The following ZBTB7C variants were observed in gnomAD, a reference collection of about 807,000 sequenced individuals.
The protein encoded by ZBTB7C is zinc finger and BTB domain containing 7C.
A neutral mutation model predicts 25.7 loss-of-function variants in ZBTB7C; 8 were observed. That is an observed-to-expected ratio of 0.31 (90% CI 0.18 to 0.56). The LOEUF is 0.56. ZBTB7C is among the 20% of genes least tolerant of loss of function. The probability of loss-of-function intolerance (pLI) is 0.91; values close to 1 mark genes in which losing one functional copy is unlikely to be tolerated. For missense variants in ZBTB7C, 824 were observed against 855.2 expected (o/e 0.96, Z 0.46); for synonymous variants, 394 against 369.0 (o/e 1.07, Z -0.78).
intron 1 of ZBTB7C, among the ~76,000 whole-genome samples, chr18:48,398,755 A>G (rs1474971509): frequency 6.6e-6 from 1 of 150,968 alleles, no homozygotes; most frequent in African/African-American, 2.4e-5. Context: ...CTGGCCTAGC[A>G]TCCAGCACAT....
At chr18:48,275,285 A>C (rs1283992343) in intron 2 of ZBTB7C, among the ~76,000 whole-genome samples, 2 of 152,222 alleles carry the variant, frequency 1.3e-5, no homozygotes, top group Non-Finnish European at 2.9e-5. Context: ...AAGGCAGCAG[A>C]CTATCATCGA....
chr18:48,270,752 G>A (rs1249850581), intron 2 of ZBTB7C, among the ~76,000 whole-genome samples: 5 of 151,286 alleles, frequency 3.3e-5, no homozygotes, highest in Non-Finnish European at 7.4e-5. Flanking sequence ...ATGTCGGCCA[G>A]GATGGTCTCA....
Position 48,367,277 on chromosome 18 carries a change from TATGTAA to T in ZBTB7C, c.-303-28885_-303-28880del, listed in dbSNP as rs781000702. Among the ~76,000 whole-genome samples the T allele has an allele frequency of 3.9e-3, 534 of 135,700 alleles. 5 individuals are homozygous for T. Among genetic ancestry groups the T allele is most frequent in the South Asian group, 0.019 (83 of 4,364 alleles). 89.0% of individuals were successfully genotyped at this position (135,700 alleles called of 152,430 possible). The stretch of plus-strand genomic sequence containing the variant: ...CATATATAGTATATATGTATATGTA[TATGTAA>T]ATATGTATCTATACATATATGTATA... On this transcript the variant is annotated intron_variant, in intron 1 of 4. Coordinates refer to ENST00000590800, the MANE Select transcript of ZBTB7C (RefSeq NM_001318841.2).
intron 3 of ZBTB7C, among the ~76,000 whole-genome samples, chr18:48,157,179 G>C (rs539188239): frequency 6.6e-6 from 1 of 152,196 alleles, no homozygotes; most frequent in Admixed American, 6.5e-5. Context: ...ACTCTCTGAG[G>C]AGAGCTTTTC....
At position 48,029,630 on chromosome 18, in the gene ZBTB7C, C is replaced by T. The variant is rs1056891199; in HGVS notation, c.1490G>A (p.Gly497Asp). 4.0e-6 allele frequency: 6 copies of T among 1,503,930 alleles called. No individual in the cohort carries two copies. In the African/African-American group the frequency reaches 7.0e-5, roughly 18 times the overall value. 93.2% of individuals were successfully genotyped at this position (1,503,930 alleles called of 1,614,324 possible). A position where few individuals can be genotyped will look rare whatever the true frequency, so the allele number is the denominator to read the frequency against. ...RAASLLFGPG[G>D]PAPDKAAFVM... ...GAAGGCCGCCTTGTCGGGGGCCGGGCCGCCGGGCCCGAAGAGCAGGCTGGC... is the reference window on the plus strand; with the variant it reads ...GAAGGCCGCCTTGTCGGGGGCCGGGTCGCCGGGCCCGAAGAGCAGGCTGGC... Residue 497 changes from glycine (G) to aspartate (D), a missense_variant, in exon 5 of 5, where the codon GGC (glycine) becomes GAC (aspartate). Transcript: ENST00000590800.
chr18:48,046,377 A>G (rs933549393), intron 3 of ZBTB7C, among the ~76,000 whole-genome samples: 13 of 152,120 alleles, frequency 8.5e-5, no homozygotes, highest in African/African-American at 2.9e-4. Flanking sequence ...GCCACCCTGT[A>G]GGTAGCAGGG....
intron 3 of ZBTB7C, among the ~76,000 whole-genome samples, chr18:48,048,232 G>T (rs986642424): frequency 5.9e-5 from 9 of 152,200 alleles, no homozygotes; most frequent in Non-Finnish European, 1.3e-4. Context: ...AGGCTTCTAG[G>T]AACAGGGGCC....
At chr18:48,090,523 C>T (rs1334888711) in intron 3 of ZBTB7C, among the ~76,000 whole-genome samples, 1 of 152,220 alleles carries the variant, frequency 6.6e-6, no homozygotes, top group East Asian at 1.9e-4. Flanking sequence ...CTGCTGTGGG[C>T]CTCTAGCTGG....
At chr18:48,129,729 C>T (rs571531465) in intron 3 of ZBTB7C, among the ~76,000 whole-genome samples, 14 of 152,322 alleles carry the variant, frequency 9.2e-5, no homozygotes, top group African/African-American at 2.9e-4. Context: ...GCCTCTCTCT[C>T]GTTGAAAGGC....
At chr18:48,372,837 G>C (rs561837771) in intron 1 of ZBTB7C, among the ~76,000 whole-genome samples, 1 of 152,196 alleles carries the variant, frequency 6.6e-6, no homozygotes, top group South Asian at 2.1e-4. Context: ...CGTCTACATA[G>C]AATCCCCTTA....
At chr18:48,282,660 A>T (rs189222663) in intron 2 of ZBTB7C, among the ~76,000 whole-genome samples, 212 of 152,340 alleles carry the variant, frequency 1.4e-3, no homozygotes, top group Non-Finnish European at 2.5e-3. Flanking sequence ...AATAAAATGC[A>T]ATACAAATAT....
chr18:48,273,560 GTTA>G (rs1341635395), intron 2 of ZBTB7C, among the ~76,000 whole-genome samples: 4 of 152,056 alleles, frequency 2.6e-5, no homozygotes, highest in Non-Finnish European at 5.9e-5. Context: ...CTACATAATA[GTTA>G]TTATATTTTA....
intron 2 of ZBTB7C, among the ~76,000 whole-genome samples, chr18:48,318,881 C>T (rs1296658303): frequency 6.6e-6 from 1 of 152,180 alleles, no homozygotes; most frequent in African/African-American, 2.4e-5. Flanking sequence ...CAGGTTCCAG[C>T]CTGTTCCCCT....
At chr18:48,374,883 G>A (rs558163891) in intron 1 of ZBTB7C, among the ~76,000 whole-genome samples, 8 of 152,336 alleles carry the variant, frequency 5.3e-5, no homozygotes, top group South Asian at 2.1e-4. Context: ...GCTAGACCCC[G>A]GCAGACAGCC....
At chr18:48,296,282 T>C (rs544361606) in intron 2 of ZBTB7C, among the ~76,000 whole-genome samples, 2 of 152,160 alleles carry the variant, frequency 1.3e-5, no homozygotes, top group Non-Finnish European at 2.9e-5. Context: ...CCAGGCAGGG[T>C]GGCAGCCTCC....
chr18:48,247,842 T>G (rs1049622463), intron 2 of ZBTB7C, among the ~76,000 whole-genome samples: 1 of 152,178 alleles, frequency 6.6e-6, no homozygotes, highest in African/African-American at 2.4e-5. Flanking sequence ...ATTCATTCTC[T>G]CACCTGCCAC....
At chr18:48,177,125 C>G (rs371205887) in intron 3 of ZBTB7C, among the ~76,000 whole-genome samples, 1 of 152,248 alleles carries the variant, frequency 6.6e-6, no homozygotes, top group Non-Finnish European at 1.5e-5. Flanking sequence ...GAGCTGAGAG[C>G]TGTCTACATT....
At chr18:48,082,125 G>A (rs2038014413) in intron 3 of ZBTB7C, among the ~76,000 whole-genome samples, 2 of 152,140 alleles carry the variant, frequency 1.3e-5, no homozygotes, top group Admixed American at 6.5e-5. Context: ...GGACTTGGGG[G>A]TGTTCCAAGT....
At chr18:48,410,310 G>GGCCCCGCACTCCGC (rs2048369386), upstream of ZBTB7C, among the ~76,000 whole-genome samples, 1 of 152,126 alleles carries the variant, frequency 6.6e-6, no homozygotes, top group African/African-American at 2.4e-5. Flanking sequence ...TGGAGCCTTG[G>GGCCCCGCACTCCGC]GCCCCGCACT....
Sources: allele counts gnomAD v4.1 joint callset (sites outside exome capture counted in the v4.1 genomes callset), GRCh38; gene constraint gnomAD v4.1.1; transcripts MANE v1.5; gene names NCBI Gene and HGNC (gene_info 2026-07-23, HGNC 2026-07-21).